The following ATP11A variants were observed in gnomAD, a reference collection of about 807,000 sequenced individuals.
The protein encoded by ATP11A is phospholipid-transporting ATPase IH.
ATP11A carries 81 observed loss-of-function variants against 154.4 expected under a neutral mutation model. That is an observed-to-expected ratio of 0.52 (90% CI 0.44 to 0.63). ATP11A has a LOEUF of 0.63. Among genes scored for constraint, ATP11A ranks in the 30% least tolerant of loss-of-function variants. The pLI is 0.00. For missense variants in ATP11A, 1,316 were observed against 1,474.3 expected (o/e 0.89, Z 1.76); for synonymous variants, 623 against 585.9 (o/e 1.06, Z -0.91).
At position 112,859,307 on chromosome 13, in the gene ATP11A, T is replaced by C; in HGVS notation, c.2668-86T>C. The C allele has an allele frequency of 9.4e-7, 1 of 1,058,372 alleles. No individual in the cohort carries two copies. Among genetic ancestry groups the C allele is most frequent in the Admixed American group, 1.7e-5 (1 of 59,332 alleles). 65.6% of individuals were successfully genotyped at this position (1,058,372 alleles called of 1,614,324 possible). A position where few individuals can be genotyped will look rare whatever the true frequency, so the allele number is the denominator to read the frequency against. ...ACGCTGGGTGCACGTGGATCCCTCC[T>C]CCCATGTGGGGTGGGCCACGTCGGT... is the stretch of plus-strand genomic sequence containing the variant. On this transcript the variant is annotated intron_variant, in intron 22 of 29. Coordinates refer to ENST00000375645, the MANE Select transcript of ATP11A (RefSeq NM_015205.3). This position sits in a 1 kb window ranked among gnomAD's most constrained non-coding sequence, Gnocchi z 4.3.
chr13:112,845,940 G>A (rs1394155168), intron 17 of ATP11A, among the ~76,000 whole-genome samples: 4 of 152,166 alleles, frequency 2.6e-5, no homozygotes, highest in African/African-American at 9.7e-5. Context: ...TGATTCTTCC[G>A]CCTGTTGGCA....
chr13:112,851,134 A>C lies in ATP11A; in HGVS notation c.1907A>C (p.Gln636Pro). 1 of 1,614,246 alleles carries C rather than the reference A, an allele frequency of 6.2e-7. No individual in the cohort carries two copies. The highest frequency in any genetic ancestry group is 1.1e-5 in the South Asian group (1 of 91,084). ...KLLQAAKVAL[Q>P]DREKKLAEAY... ...CTGCAGGCTGCCAAAGTGGCCCTTC[A>C]AGATCGAGAGAAAAAGTTAGCAGAA... Residue 636 changes from glutamine to proline, a missense_variant, in exon 18 of 30, where the codon CAA (glutamine) becomes CCA (proline). Physicochemically the swap from Gln to Pro is moderately conservative, Grantham distance 76. This residue lies in a region of ATP11A where 876 missense variants were observed against 1,006.8 expected (regional missense o/e 0.87). Coordinates refer to ENST00000375645, the MANE Select transcript of ATP11A (RefSeq NM_015205.3).
chr13:112,748,487 T>C (rs562880985), intron 1 of ATP11A, among the ~76,000 whole-genome samples: 29 of 152,252 alleles, frequency 1.9e-4, no homozygotes, highest in Admixed American at 1.8e-3. Flanking sequence ...CATCTCAGCC[T>C]CCAGAGTAGC....
intron 1 of ATP11A, among the ~76,000 whole-genome samples, chr13:112,710,909 G>C (rs1447843893): frequency 1.3e-5 from 2 of 152,220 alleles, no homozygotes; most frequent in Admixed American, 1.3e-4. Flanking sequence ...GGGGGCACTA[G>C]TCACAGTGCG....
chr13:112,852,011 C>T (rs1192216575), intron 18 of ATP11A, among the ~76,000 whole-genome samples: 2 of 151,942 alleles, frequency 1.3e-5, no homozygotes, highest in Non-Finnish European at 2.9e-5. Flanking sequence ...TTACCAATTA[C>T]AGATTTTCAG....
At chr13:112,786,430 G>A (rs1322256204) in intron 2 of ATP11A, among the ~76,000 whole-genome samples, 10 of 50,816 alleles carry the variant, frequency 2.0e-4, no homozygotes, top group Non-Finnish European at 1.4e-4. Context: ...ACGTGCCTGC[G>A]TTCAGACTCC....
chr13:112,701,664 T>C (rs1203426944), intron 1 of ATP11A, among the ~76,000 whole-genome samples: 4 of 151,574 alleles, frequency 2.6e-5, no homozygotes, highest in African/African-American at 7.3e-5. Flanking sequence ...AACCCCGTCT[T>C]TCCTAAAAAT....
rs74753109 is a variant in ATP11A at position 112,771,222 on chromosome 13, C to T, written c.40-13913C>T. 6.6e-5 allele frequency among the ~76,000 whole-genome samples: 10 copies of T among 152,322 alleles called. No homozygotes were observed. The East Asian group carries it at 7.7e-4, about 12-fold the overall frequency. ...GTAAGGATGGTGAAGGCGTGACCCA[C>T]GGTGGAAAGTTGGTTATTTTGGGTA... On this transcript the variant is annotated intron_variant, in intron 1 of 29. Transcript: ENST00000375645.
chr13:112,755,514 G>A (rs998750950), intron 1 of ATP11A, among the ~76,000 whole-genome samples: 2 of 152,214 alleles, frequency 1.3e-5, no homozygotes, highest in Non-Finnish European at 2.9e-5. Flanking sequence ...ATTGACACAA[G>A]AAGAGCCTCC....
intron 1 of ATP11A, among the ~76,000 whole-genome samples, chr13:112,731,945 G>T (rs548951058): frequency 7.0e-6 from 1 of 143,178 alleles, no homozygotes; most frequent in Non-Finnish European, 1.5e-5. Context: ...GGCGGGGGGG[G>T]GCAGGTGGCC....
At chr13:112,815,065 C>T (rs1325273961) in intron 5 of ATP11A, among the ~76,000 whole-genome samples, 2 of 152,226 alleles carry the variant, frequency 1.3e-5, no homozygotes, top group African/African-American at 4.8e-5. Flanking sequence ...CCTGGCATGC[C>T]TCCCGAGTGG....
At position 112,832,920 on chromosome 13, in the gene ATP11A, G is replaced by C; in HGVS notation, c.1456G>C (p.Asp486His). The C allele has an allele frequency of 6.2e-7, 1 of 1,614,130 alleles. No individual in the cohort carries two copies. Among genetic ancestry groups the C allele is most frequent in the Non-Finnish European group, 8.5e-7 (1 of 1,179,998 alleles). The stretch of plus-strand genomic sequence containing the variant: ...CTGCCACACCGTCCAGGTGAAAGAC[G>C]ATGACAGCGTAGACGGCCCCAGGAA... ...CLCHTVQVKD[D>H]DSVDGPRKSP... Residue 486 changes from aspartate (D) to histidine (H), a missense_variant, in exon 14 of 30, where the codon GAT becomes CAT. Asp to His is a moderately conservative substitution (Grantham distance 81, BLOSUM62 -1). Transcript: ENST00000375645.
At position 112,859,999 on chromosome 13, in the gene ATP11A, A is replaced by G. The variant is rs538914093; in HGVS notation, c.2728-288A>G. Among the ~76,000 whole-genome samples the G allele has an allele frequency of 1.5e-3, 225 of 151,924 alleles. 1 individual carries two copies. Among genetic ancestry groups the G allele is most frequent in the African/African-American group, 5.2e-3 (217 of 41,428 alleles). On this transcript the variant is annotated intron_variant, in intron 23 of 29. Transcript: ENST00000375645. This position sits in a 1 kb window ranked among gnomAD's most constrained non-coding sequence, Gnocchi z 4.3. ...TGCGACCAGAGTCACTGAAGCTTGAAGATGGCAATCAGAATTGCAAATGTT... is the reference window on the plus strand; with the variant it reads ...TGCGACCAGAGTCACTGAAGCTTGAGGATGGCAATCAGAATTGCAAATGTT...
chr13:112,830,598 A>G (rs1178985620), intron 12 of ATP11A, among the ~76,000 whole-genome samples: 1 of 152,194 alleles, frequency 6.6e-6, no homozygotes, highest in African/African-American at 2.4e-5. Flanking sequence ...TAAAAATAAA[A>G]ATGCTTTTGG....
rs2076989826 is a variant in ATP11A, at chr13:112,762,677, C to T, written c.40-22458C>T. 2.0e-5 allele frequency among the ~76,000 whole-genome samples: 3 copies of T among 152,168 alleles called. No homozygotes were observed. In the South Asian group the frequency reaches 6.2e-4, roughly 31 times the overall value. On this transcript the variant is annotated intron_variant, in intron 1 of 29. Transcript: ENST00000375645. Reference sequence around the variant, plus strand: ...CTCCCATGTCCCTGTGGTAAAATTCCATTGCTGTAAAGTCATGAGCTCGAA... The same window carrying T: ...CTCCCATGTCCCTGTGGTAAAATTCTATTGCTGTAAAGTCATGAGCTCGAA...
chr13:112,876,705 T>C (rs1278759), intron 28 of ATP11A, among the ~76,000 whole-genome samples: 139,197 of 152,252 alleles, frequency 0.91, 64,510 homozygotes, highest in Non-Finnish European at 0.99. Flanking sequence ...AATGGGGAAA[T>C]GAGGGGTGGG....
chr13:112,881,945 G>C lies in ATP11A; in HGVS notation c.*79G>C. The C allele has an allele frequency of 7.3e-7, 1 of 1,367,722 alleles. No individual in the cohort carries two copies. Among genetic ancestry groups the C allele is most frequent in the Non-Finnish European group, 9.8e-7 (1 of 1,021,976 alleles). 84.7% of individuals were successfully genotyped at this position (1,367,722 alleles called of 1,614,324 possible). On this transcript the variant is annotated 3_prime_UTR_variant, in exon 30 of 30. Coordinates refer to ENST00000375645, the MANE Select transcript of ATP11A (RefSeq NM_015205.3). ...CTCCCACTCTCAGCAGGTGACACTCGCGGCCTGGAAGGAGAAGGTGTCCAC... is the reference window on the plus strand; with the variant it reads ...CTCCCACTCTCAGCAGGTGACACTCCCGGCCTGGAAGGAGAAGGTGTCCAC...
At chr13:112,693,883 C>T (rs1389234149) in intron 1 of ATP11A, among the ~76,000 whole-genome samples, 1 of 152,150 alleles carries the variant, frequency 6.6e-6, no homozygotes, top group Non-Finnish European at 1.5e-5. Context: ...GCACAGAAGG[C>T]GGAGGTTGCA....
Position 112,859,658 on chromosome 13 carries a change from C to T in ATP11A, c.2727+206C>T, listed in dbSNP as rs2080042867. Among the ~76,000 whole-genome samples, 1 of 152,162 alleles carries T rather than the reference C, an allele frequency of 6.6e-6. No homozygotes were observed. The highest frequency in any genetic ancestry group is 1.5e-5 in the Non-Finnish European group (1 of 68,024). Reference sequence around the variant, plus strand: ...CTGAGGAGTTGCCGTCCTGGAGGCCCCTTGTTCCATGTCTTCTGAAACTGC... The same window carrying T: ...CTGAGGAGTTGCCGTCCTGGAGGCCTCTTGTTCCATGTCTTCTGAAACTGC... On this transcript the variant is annotated intron_variant, in intron 23 of 29. Coordinates refer to ENST00000375645, the MANE Select transcript of ATP11A (RefSeq NM_015205.3). The surrounding 1 kb of genome is among the most constrained non-coding windows in gnomAD (Gnocchi z 4.3).
Sources: allele counts gnomAD v4.1 joint callset (sites outside exome capture counted in the v4.1 genomes callset), GRCh38; gene constraint gnomAD v4.1.1; regional missense constraint gnomAD v4.1.1; non-coding constraint Gnocchi (gnomAD v3.1); transcripts MANE v1.5; gene names NCBI Gene and HGNC (gene_info 2026-07-23, HGNC 2026-07-21).